ATF6: variants seen among roughly 807,000 people sequenced by gnomAD.
ATF6 encodes cyclic AMP-dependent transcription factor ATF-6 alpha.
Under a neutral mutation model 83.6 loss-of-function variants are expected in ATF6, and 53 were observed. That is an observed-to-expected ratio of 0.63 (90% CI 0.51 to 0.80). ATF6 has a LOEUF of 0.80. Among genes scored for constraint, ATF6 ranks in the 30% least tolerant of loss-of-function variants. The pLI is 0.00. For synonymous variants in ATF6, 288 were observed against 285.8 expected (o/e 1.01, Z -0.08); for missense variants, 744 against 797.9 (o/e 0.93, Z 0.81).
chr1:161,812,148 C>CT (rs1258087226), intron 7 of ATF6, among the ~76,000 whole-genome samples: 1 of 152,034 alleles, frequency 6.6e-6, no homozygotes, highest in Non-Finnish European at 1.5e-5. Flanking sequence ...TGTAAATACT[C>CT]TCTTTAAATC....
chr1:161,882,423 G>C (rs926708811), intron 14 of ATF6, among the ~76,000 whole-genome samples: 1 of 152,034 alleles, frequency 6.6e-6, no homozygotes, highest in Non-Finnish European at 1.5e-5. Context: ...AAGAAAAGCT[G>C]CTACTTCTGG....
At chr1:161,833,668 G>A (rs923419469) in intron 9 of ATF6, among the ~76,000 whole-genome samples, 3 of 152,150 alleles carry the variant, frequency 2.0e-5, no homozygotes, top group Non-Finnish European at 4.4e-5. Context: ...GATGGAAGAC[G>A]AAGTGAATGA....
intron 15 of ATF6, among the ~76,000 whole-genome samples, chr1:161,915,212 T>G (rs1346271093): frequency 6.6e-6 from 1 of 152,224 alleles, no homozygotes; most frequent in African/African-American, 2.4e-5. Context: ...GCCTTCCCTC[T>G]TGTTGCACTG....
intron 9 of ATF6, among the ~76,000 whole-genome samples, chr1:161,833,362 A>G (rs1318931012): frequency 6.6e-6 from 1 of 152,202 alleles, no homozygotes; most frequent in Non-Finnish European, 1.5e-5. Context: ...CCTCCTCCAA[A>G]GGAACGCAGC....
At chr1:161,861,809 A>G (rs1328429156) in intron 13 of ATF6, among the ~76,000 whole-genome samples, 3 of 152,092 alleles carry the variant, frequency 2.0e-5, no homozygotes, top group African/African-American at 4.8e-5. Flanking sequence ...CACATTTTTC[A>G]TATTTTTGTG....
chr1:161,869,321 T>C (rs1687075406), intron 14 of ATF6, among the ~76,000 whole-genome samples: 1 of 151,910 alleles, frequency 6.6e-6, no homozygotes, highest in Non-Finnish European at 1.5e-5. Context: ...ATATAAAAAT[T>C]CAATTGTATG....
chr1:161,861,260 A>G (rs1686880558), intron 13 of ATF6, among the ~76,000 whole-genome samples: 1 of 152,158 alleles, frequency 6.6e-6, no homozygotes, highest in South Asian at 2.1e-4. Flanking sequence ...TACTTAGAAT[A>G]TACTGTGTGC....
chr1:161,882,161 C>T (rs1687336186), intron 14 of ATF6, among the ~76,000 whole-genome samples: 1 of 152,074 alleles, frequency 6.6e-6, no homozygotes, highest in Non-Finnish European at 1.5e-5. Context: ...AAACAGTATC[C>T]TATGATTGAA....
chr1:161,898,886 T>C (rs1687729151), intron 14 of ATF6, among the ~76,000 whole-genome samples: 1 of 152,202 alleles, frequency 6.6e-6, no homozygotes, highest in African/African-American at 2.4e-5. Context: ...ACTAAATAAG[T>C]TTCTTGAGAA....
intron 14 of ATF6, among the ~76,000 whole-genome samples, chr1:161,886,359 T>C (rs1363595211): frequency 6.6e-6 from 1 of 152,230 alleles, no homozygotes; most frequent in Non-Finnish European, 1.5e-5. Flanking sequence ...CATTGACTTA[T>C]GTTTATTAAA....
chr1:161,852,095 G>A (rs1229845259), intron 11 of ATF6, among the ~76,000 whole-genome samples: 2 of 152,166 alleles, frequency 1.3e-5, no homozygotes, highest in Admixed American at 6.6e-5. Context: ...AAATTTCATG[G>A]TGTTAGGCTT....
chr1:161,788,514 A>G (rs1376336734), intron 4 of ATF6, among the ~76,000 whole-genome samples: 1 of 151,956 alleles, frequency 6.6e-6, no homozygotes, highest in Non-Finnish European at 1.5e-5. Flanking sequence ...TCTATTATCT[A>G]TTAACTTTGT....
chr1:161,779,787 G>C (rs1684592908), intron 2 of ATF6, among the ~76,000 whole-genome samples: 1 of 152,076 alleles, frequency 6.6e-6, no homozygotes, highest in African/African-American at 2.4e-5. Flanking sequence ...GCCCAGGCTG[G>C]AGTGCAGTGG....
intron 15 of ATF6, among the ~76,000 whole-genome samples, chr1:161,942,164 C>G (rs1304048912): frequency 6.6e-6 from 1 of 152,180 alleles, no homozygotes. Flanking sequence ...TGCAGTATCT[C>G]GTTTCATACA....
At chr1:161,874,058 A>G (rs1265840964) in intron 14 of ATF6, among the ~76,000 whole-genome samples, 1 of 151,702 alleles carries the variant, frequency 6.6e-6, no homozygotes, top group African/African-American at 2.4e-5. Context: ...GTCTTTGAAA[A>G]TGAGTGAATT....
intron 13 of ATF6, among the ~76,000 whole-genome samples, chr1:161,861,700 ATCAT>A (rs1185005001): frequency 6.6e-6 from 1 of 152,160 alleles, no homozygotes; most frequent in Non-Finnish European, 1.5e-5. Context: ...TGCTTTTGTC[ATCAT>A]TTGCAAACAT....
At position 161,842,746 on chromosome 1, in the gene ATF6, T is replaced by C. The variant is rs113312331; in HGVS notation, c.1188-3703T>C. ...ATGCCACCTGTTCCCCAAAAACCTA[T>C]GGAAATAAAAAATTTTAAAAAAAGA... is the stretch of plus-strand genomic sequence containing the variant. On this transcript the variant is annotated intron_variant, in intron 9 of 15. Coordinates refer to ENST00000367942, the MANE Select transcript of ATF6 (RefSeq NM_007348.4). Among the ~76,000 whole-genome samples, 1,496 of 152,286 alleles carry C rather than the reference T, an allele frequency of 9.8e-3. 27 individuals are homozygous for C. The highest frequency in any genetic ancestry group is 0.034 in the African/African-American group (1,429 of 41,554).
At chr1:161,824,542 CTTAT>C (rs1368511283) in intron 9 of ATF6, among the ~76,000 whole-genome samples, 11 of 152,132 alleles carry the variant, frequency 7.2e-5, no homozygotes, top group African/African-American at 2.7e-4. Context: ...TGCTATGTAA[CTTAT>C]TTATTTTCTT....
chr1:161,950,668 A>G (rs556022212), intron 15 of ATF6, among the ~76,000 whole-genome samples: 43 of 152,312 alleles, frequency 2.8e-4, no homozygotes, highest in African/African-American at 9.6e-4. Flanking sequence ...ACAGTGAATC[A>G]GGTTCCAGGG....
Sources: allele counts gnomAD v4.1 joint callset (sites outside exome capture counted in the v4.1 genomes callset), GRCh38; gene constraint gnomAD v4.1.1; transcripts MANE v1.5; gene names NCBI Gene and HGNC (gene_info 2026-07-23, HGNC 2026-07-21).